The following NKD1 variants were observed in gnomAD, a reference collection of about 807,000 sequenced individuals.
NKD1 encodes the protein NKD inhibitor of Wnt signaling pathway 1, also known as protein naked cuticle homolog 1.
NKD1 carries 21 observed loss-of-function variants against 56.0 expected under a neutral mutation model. The observed-to-expected ratio is 0.38, with a 90% confidence interval of 0.27 to 0.54. The LOEUF (loss-of-function observed/expected upper bound fraction) is 0.54, where lower values mean the gene tolerates loss of function less well. NKD1 is among the 20% of genes least tolerant of loss of function. NKD1 has a pLI of 0.82. For missense variants in NKD1, 578 were observed against 642.7 expected (o/e 0.90, Z 1.09); for synonymous variants, 263 against 265.7 (o/e 0.99, Z 0.10).
chr16:50,590,258 C>G (rs1961336006), intron 3 of NKD1, among the ~76,000 whole-genome samples: 1 of 152,208 alleles, frequency 6.6e-6, no homozygotes, highest in Non-Finnish European at 1.5e-5. Flanking sequence ...CCTCATCTCC[C>G]CATACTGATA....
Position 50,549,628 on chromosome 16 carries a change from C to A in NKD1, c.192+73C>A, listed in dbSNP as rs1348328331. 3 of 1,394,048 alleles carry A rather than the reference C, an allele frequency of 2.2e-6. No individual in the cohort carries two copies. In the Admixed American group the frequency reaches 7.8e-5, roughly 36 times the overall value. 86.4% of individuals were successfully genotyped at this position (1,394,048 alleles called of 1,614,324 possible). On this transcript the variant is annotated intron_variant, in intron 3 of 9. Coordinates refer to ENST00000268459, the MANE Select transcript of NKD1 (RefSeq NM_033119.5). ...AGAGATGGGTCCCCAAACCCATGCA[C>A]CCCAACTTTGAGCACTTTCCTGCAC...
intron 4 of NKD1, among the ~76,000 whole-genome samples, chr16:50,618,859 T>C (rs1962023970): frequency 6.6e-6 from 1 of 151,956 alleles, no homozygotes; most frequent in South Asian, 2.1e-4. Flanking sequence ...GGGGAAGACA[T>C]ATGAGGGGTC....
At chr16:50,591,448 G>T (rs1366897560) in intron 3 of NKD1, among the ~76,000 whole-genome samples, 4 of 152,206 alleles carry the variant, frequency 2.6e-5, no homozygotes, top group African/African-American at 7.2e-5. Context: ...TTTGCAAGTG[G>T]GCAGTGGCCC....
intron 3 of NKD1, among the ~76,000 whole-genome samples, chr16:50,600,695 G>A (rs993468769): frequency 2.0e-5 from 3 of 152,202 alleles, no homozygotes; most frequent in African/African-American, 7.2e-5. Flanking sequence ...GCCCTTTGGT[G>A]ACTGAGGCTG....
intron 3 of NKD1, among the ~76,000 whole-genome samples, chr16:50,600,911 C>T (rs2151273808): frequency 6.6e-6 from 1 of 152,350 alleles, no homozygotes; most frequent in East Asian, 1.9e-4. Context: ...CAGGCTCAGG[C>T]TGGGGTCCCC....
Position 50,578,216 on chromosome 16 carries a change from C to G in NKD1, c.192+28661C>G, listed in dbSNP as rs985574136. Among the ~76,000 whole-genome samples the G allele has an allele frequency of 3.9e-5, 6 of 152,242 alleles. No homozygotes were observed. In the East Asian group the frequency reaches 1.2e-3, roughly 29 times the overall value. ...AATAAGAGAGTAGAAAAACTCTTCC[C>G]ACTGCTTAAGATCCCTGACTGTGAA... On this transcript the variant is annotated intron_variant, in intron 3 of 9. Coordinates refer to ENST00000268459, the MANE Select transcript of NKD1 (RefSeq NM_033119.5).
In NKD1 at chr16:50,633,165, T is replaced by C; in HGVS notation, c.824-27T>C. On this transcript the variant is annotated intron_variant, in intron 9 of 9. Transcript: ENST00000268459. The surrounding 1 kb of genome is among the most constrained non-coding windows in gnomAD (Gnocchi z 4.9). ...AGCCCCAGCACACAGTAGGTGCTCA[T>C]TAAATGTCTGTTGAATTGGTTCCTA... 1 of 1,575,810 alleles carries C rather than the reference T, an allele frequency of 6.3e-7. No homozygotes were observed. The highest frequency in any genetic ancestry group is 8.6e-7 in the Non-Finnish European group (1 of 1,157,784).
rs980689635 is a variant in NKD1 at position 50,572,881 on chromosome 16, T to C, written c.192+23326T>C. The stretch of plus-strand genomic sequence containing the variant: ...TCAGTCTCTGGAGCCAACAGGATCA[T>C]GAGGTCGGAAGGGGTGCTGACCTGC... On this transcript the variant is annotated intron_variant, in intron 3 of 9. Transcript: ENST00000268459. The C allele has an allele frequency of 1.3e-5, 13 of 984,806 alleles. No homozygotes were observed. In the African/African-American group the frequency reaches 1.9e-4, roughly 15 times the overall value. 61.0% of individuals were successfully genotyped at this position (984,806 alleles called of 1,614,324 possible). A position where few individuals can be genotyped will look rare whatever the true frequency, so the allele number is the denominator to read the frequency against.
At position 50,595,055 on chromosome 16, in the gene NKD1, G is replaced by A. The variant is rs575709709; in HGVS notation, c.193-13239G>A. ...CTGAGACAGTGCTTGTGGAGAAACC[G>A]TCCAAAGGTGGGCTTGTTGGTCTGG... is the stretch of plus-strand genomic sequence containing the variant. On this transcript the variant is annotated intron_variant, in intron 3 of 9. Transcript: ENST00000268459. 7.2e-5 allele frequency among the ~76,000 whole-genome samples: 11 copies of A among 152,296 alleles called. 1 individual carries two copies. Among genetic ancestry groups the A allele is most frequent in the African/African-American group, 2.2e-4 (9 of 41,560 alleles).
intron 3 of NKD1, among the ~76,000 whole-genome samples, chr16:50,550,942 G>A (rs1159455837): frequency 6.6e-6 from 1 of 152,060 alleles, no homozygotes; most frequent in Admixed American, 6.5e-5. Flanking sequence ...TTTATTTGCA[G>A]TCCCTCCTTT....
At chr16:50,618,953 G>T (rs761136619) in intron 4 of NKD1, among the ~76,000 whole-genome samples, 1 of 152,208 alleles carries the variant, frequency 6.6e-6, no homozygotes. Flanking sequence ...GTCCGTGCAC[G>T]GTGGAGGAAG....
chr16:50,564,923 A>G (rs767769910), intron 3 of NKD1, among the ~76,000 whole-genome samples: 3 of 152,204 alleles, frequency 2.0e-5, no homozygotes, highest in Admixed American at 6.5e-5. Context: ...CTTTGGAGGT[A>G]TCTGCTGTAG....
chr16:50,590,906 C>T (rs528224294), intron 3 of NKD1, among the ~76,000 whole-genome samples: 222 of 152,338 alleles, frequency 1.5e-3, no homozygotes, highest in African/African-American at 5.2e-3. Context: ...CAACCTCCAC[C>T]TCCAAGGTTC....
At chr16:50,575,889 G>A (rs1055536748) in intron 3 of NKD1, among the ~76,000 whole-genome samples, 11 of 152,176 alleles carry the variant, frequency 7.2e-5, no homozygotes, top group African/African-American at 2.7e-4. Flanking sequence ...TGGCTGGGTT[G>A]GGGGTGCTGC....
chr16:50,629,301 G>A (rs77158932), intron 6 of NKD1, among the ~76,000 whole-genome samples: 63 of 152,104 alleles, frequency 4.1e-4, no homozygotes, highest in East Asian at 2.7e-3. Flanking sequence ...TCATGGTCCC[G>A]CCTTCATGAC....
At chr16:50,550,698 G>A (rs1475409629) in intron 3 of NKD1, among the ~76,000 whole-genome samples, 1 of 152,064 alleles carries the variant, frequency 6.6e-6, no homozygotes, top group Non-Finnish European at 1.5e-5. Context: ...TGGGCGGGGG[G>A]CACTGCAGTT....
chr16:50,633,346 C>T lies in NKD1; in HGVS notation c.978C>T (p.Ala326=). The T allele has an allele frequency of 2.5e-6, 4 of 1,614,170 alleles. No homozygotes were observed. The highest frequency in any genetic ancestry group is 3.4e-6 in the Non-Finnish European group (4 of 1,180,006). The change falls in exon 10 of 10, where the codon GCC becomes GCT. Residue 326 remains alanine, a synonymous_variant. Coordinates refer to ENST00000268459, the MANE Select transcript of NKD1 (RefSeq NM_033119.5). This position sits in a 1 kb window ranked among gnomAD's most constrained non-coding sequence, Gnocchi z 4.9. The part of the protein sequence containing the change: ...ASFHFLDTPI[A]KVSELQQRLR... ...TCCACTTCCTTGACACCCCAATCGC[C>T]AAGGTCTCAGAGCTCCAGCAACGGC...
At position 50,639,194 on chromosome 16, in the gene NKD1, C is replaced by T. The variant is rs1962531097; in HGVS notation, c.*5413C>T. On this transcript the variant is annotated 3_prime_UTR_variant, in exon 10 of 10. Transcript: ENST00000268459. ...CCCCCAGGTGACTTCTTAGGCAGCC[C>T]AGCTAAGCCCCTAGAGCCTTGCAAT... 1 of 152,074 alleles carries T rather than the reference C, an allele frequency of 6.6e-6. No individual in the cohort carries two copies. The highest frequency in any genetic ancestry group is 1.5e-5 in the Non-Finnish European group (1 of 68,040). The allele number at this position is 152,074 out of a possible 1,614,324, so 9.4% of individuals were successfully genotyped here.
intron 3 of NKD1, among the ~76,000 whole-genome samples, chr16:50,569,520 C>T (rs1251365236): frequency 1.3e-5 from 2 of 152,052 alleles, no homozygotes; most frequent in Admixed American, 6.6e-5. Context: ...TTTGTTCTGC[C>T]CTGGGTTGGC....
Sources: gnomAD v4.1 joint callset for allele counts (sites outside exome capture counted in the v4.1 genomes callset) on GRCh38, gnomAD v4.1.1 for gene constraint, Gnocchi (gnomAD v3.1) non-coding constraint, MANE v1.5 for transcripts, NCBI Gene and HGNC (gene_info 2026-07-23, HGNC 2026-07-21) for gene names.